The following TRIO variants were observed in gnomAD, a reference collection of about 807,000 sequenced individuals.
TRIO encodes trio Rho guanine nucleotide exchange factor.
TRIO carries 58 observed loss-of-function variants against 351.9 expected under a neutral mutation model. That is an observed-to-expected ratio of 0.16 (90% CI 0.13 to 0.21). The LOEUF is 0.21. Among genes scored for constraint, TRIO ranks in the 10% least tolerant of loss-of-function variants. TRIO has a pLI of 1.00. For synonymous variants in TRIO, 1,758 were observed against 1,595.7 expected (o/e 1.10, Z -2.42); for missense variants, 3,201 against 4,027.8 (o/e 0.79, Z 5.56).
At chr5:14,346,761 A>G (rs2152327056) in intron 11 of TRIO, among the ~76,000 whole-genome samples, 1 of 152,364 alleles carries the variant, frequency 6.6e-6, no homozygotes, top group South Asian at 2.1e-4. Flanking sequence ...ACAAGAAAGG[A>G]AAGTATGGGC....
chr5:14,220,338 T>G (rs1169915144), intron 1 of TRIO, among the ~76,000 whole-genome samples: 2 of 152,174 alleles, frequency 1.3e-5, no homozygotes, highest in Non-Finnish European at 2.9e-5. Flanking sequence ...ATTGACCAGC[T>G]GTTACCCCGC....
chr5:14,173,144 G>A (rs1020154344), intron 1 of TRIO, among the ~76,000 whole-genome samples: 4 of 144,130 alleles, frequency 2.8e-5, no homozygotes, highest in African/African-American at 7.6e-5. Context: ...AGGTCCAGGA[G>A]TATAAGTTAC....
intron 19 of TRIO, among the ~76,000 whole-genome samples, chr5:14,377,340 G>C (rs1176875348): frequency 6.6e-6 from 1 of 151,728 alleles, no homozygotes; most frequent in African/African-American, 2.4e-5. Flanking sequence ...CTGCCTCCCA[G>C]GTTCAAGGAA....
At chr5:14,251,490 C>T (rs962921540) in intron 1 of TRIO, among the ~76,000 whole-genome samples, 2 of 152,222 alleles carry the variant, frequency 1.3e-5, no homozygotes, top group Admixed American at 1.3e-4. Flanking sequence ...GCAAGGAACA[C>T]TTGTTGGTGC....
At chr5:14,446,504 A>G (rs1013817135) in intron 34 of TRIO, among the ~76,000 whole-genome samples, 3 of 152,206 alleles carry the variant, frequency 2.0e-5, no homozygotes, top group African/African-American at 7.2e-5. Flanking sequence ...GGCAGGGGGA[A>G]GAGAGGGGGA....
At chr5:14,459,009 C>A (rs1019103972) in intron 34 of TRIO, among the ~76,000 whole-genome samples, 1 of 152,090 alleles carries the variant, frequency 6.6e-6, no homozygotes, top group East Asian at 1.9e-4. Context: ...GACACACATA[C>A]AGAGGGGAAA....
At chr5:14,173,403 G>A (rs1334380514) in intron 1 of TRIO, among the ~76,000 whole-genome samples, 1 of 151,944 alleles carries the variant, frequency 6.6e-6, no homozygotes, top group Admixed American at 6.6e-5. Context: ...GTAGAGACGG[G>A]CTTTCACCAT....
chr5:14,145,826 C>T (rs1033784804), intron 1 of TRIO, among the ~76,000 whole-genome samples: 12 of 152,180 alleles, frequency 7.9e-5, no homozygotes, highest in Admixed American at 7.9e-4. Flanking sequence ...TGGCTCTCTC[C>T]AGGAGTTGTC....
chr5:14,351,065 G>T (rs1743042457), intron 11 of TRIO, among the ~76,000 whole-genome samples: 1 of 152,134 alleles, frequency 6.6e-6, no homozygotes, highest in Non-Finnish European at 1.5e-5. Context: ...ATGACCACTT[G>T]CCTGCTGCTC....
intron 34 of TRIO, among the ~76,000 whole-genome samples, chr5:14,439,208 G>A (rs1751832559): frequency 6.6e-6 from 1 of 152,116 alleles, no homozygotes. Flanking sequence ...TAGAGATGGG[G>A]TTTCACCATG....
intron 9 of TRIO, 38 bp downstream of exon 9, chr5:14,316,781 C>T: frequency 6.3e-7 from 1 of 1,575,344 alleles, no homozygotes; most frequent in Non-Finnish European, 8.7e-7. Context: ...TGGGAAATGG[C>T]TTGTGTTGAG....
chr5:14,229,074 A>G (rs1177919080), intron 1 of TRIO, among the ~76,000 whole-genome samples: 1 of 152,206 alleles, frequency 6.6e-6, no homozygotes, highest in Non-Finnish European at 1.5e-5. Context: ...TTACATTTGT[A>G]ATATTGATTA....
intron 9 of TRIO, 47 bp downstream of exon 9, chr5:14,316,790 A>G: frequency 6.4e-7 from 1 of 1,551,986 alleles, no homozygotes; most frequent in Non-Finnish European, 8.8e-7. Flanking sequence ...GCTTGTGTTG[A>G]GTAGAGTTTA....
At chr5:14,278,096 C>T (rs1219080749) in intron 2 of TRIO, among the ~76,000 whole-genome samples, 2 of 152,134 alleles carry the variant, frequency 1.3e-5, no homozygotes, top group African/African-American at 2.4e-5. Context: ...TAGGACATGA[C>T]TCAGCGCCTA....
chr5:14,305,529 T>C (rs1444253234), intron 8 of TRIO, among the ~76,000 whole-genome samples: 1 of 152,248 alleles, frequency 6.6e-6, no homozygotes, highest in Non-Finnish European at 1.5e-5. Context: ...AAGGCTTCTG[T>C]AAGAGTTTCA....
rs1295281964 is a variant in TRIO, at chr5:14,202,307, TTTTTTTTTTTTTTTTTTTTTTTTG to T, written c.157+58426_157+58449del. Among the ~76,000 whole-genome samples, 15 of 90,358 alleles carry T rather than the reference TTTTTTTTTTTTTTTTTTTTTTTTG, an allele frequency of 1.7e-4. No individual in the cohort carries two copies. In the East Asian group the frequency reaches 4.4e-3, roughly 27 times the overall value. 59.3% of individuals were successfully genotyped at this position (90,358 alleles called of 152,430 possible). ...AATATTTTTGTGATTTTTTTTTTTT[TTTTTTTTTTTTTTTTTTTTTTTTG>T]CTCATCAGCTATCGTTAGTATTGGT... is the stretch of plus-strand genomic sequence containing the variant. On this transcript the variant is annotated intron_variant, in intron 1 of 56. Transcript: ENST00000344204.
At chr5:14,195,901 G>A (rs1790742338) in intron 1 of TRIO, among the ~76,000 whole-genome samples, 1 of 152,054 alleles carries the variant, frequency 6.6e-6, no homozygotes, top group Non-Finnish European at 1.5e-5. Context: ...GTGGGGGTGG[G>A]GAGAGGCGCA....
intron 9 of TRIO, among the ~76,000 whole-genome samples, chr5:14,324,033 T>C (rs906801689): frequency 6.6e-6 from 1 of 152,212 alleles, no homozygotes; most frequent in African/African-American, 2.4e-5. Context: ...ATACCATTGA[T>C]TTGATAGTCC....
intron 34 of TRIO, among the ~76,000 whole-genome samples, chr5:14,450,550 A>C (rs1417486585): frequency 2.6e-5 from 4 of 152,104 alleles, no homozygotes; most frequent in African/African-American, 7.2e-5. Context: ...TAAGAAAAAA[A>C]AAACCTGGGG....
Sources: gnomAD v4.1 joint callset for allele counts (sites outside exome capture counted in the v4.1 genomes callset) on GRCh38, gnomAD v4.1.1 for gene constraint, MANE v1.5 for transcripts, NCBI Gene and HGNC (gene_info 2026-07-23, HGNC 2026-07-21) for gene names.